Variants in ARID4B observed in about 807,000 individuals in gnomAD.
ARID4B encodes the protein AT-rich interactive domain-containing protein 4B.
Under a neutral mutation model 147.5 loss-of-function variants are expected in ARID4B, and 26 were observed. The observed-to-expected ratio is 0.18, with a 90% CI of 0.13 to 0.24. ARID4B has a LOEUF of 0.24. Among genes scored for constraint, ARID4B ranks in the 10% least tolerant of loss-of-function variants. ARID4B has a pLI of 1.00. For missense variants in ARID4B, 1,179 were observed against 1,511.5 expected (o/e 0.78, Z 3.65); for synonymous variants, 512 against 507.9 (o/e 1.01, Z -0.11).
chr1:235,189,091 T>C (rs900458029), intron 19 of ARID4B, among the ~76,000 whole-genome samples: 1 of 151,990 alleles, frequency 6.6e-6, no homozygotes, highest in Non-Finnish European at 1.5e-5. Flanking sequence ...AAAATTAAAC[T>C]AGTTTAATTT....
intron 2 of ARID4B, among the ~76,000 whole-genome samples, chr1:235,266,108 A>C (rs1314608753): frequency 6.6e-6 from 1 of 152,206 alleles, no homozygotes; most frequent in Non-Finnish European, 1.5e-5. Flanking sequence ...AATCATGTTG[A>C]ATTCCAGCGG....
At chr1:235,327,338 C>G (rs1675368930) in intron 1 of ARID4B, 1 of 153,558 alleles carries the variant, frequency 6.5e-6, no homozygotes, top group Non-Finnish European at 1.5e-5. Context: ...CCACGCGCCG[C>G]GTCCGAGCGA....
At chr1:235,317,314 G>A (rs1674510194) in intron 2 of ARID4B, among the ~76,000 whole-genome samples, 1 of 152,118 alleles carries the variant, frequency 6.6e-6, no homozygotes, top group African/African-American at 2.4e-5. Context: ...TGTACTGTGG[G>A]TTTCATCAAG....
intron 7 of ARID4B, among the ~76,000 whole-genome samples, chr1:235,246,008 G>A (rs1669279589): frequency 6.6e-6 from 1 of 152,092 alleles, no homozygotes; most frequent in Non-Finnish European, 1.5e-5. Context: ...GAAAGTGTGG[G>A]GAGACACAAA....
chr1:235,254,609 A>G (rs934430311), intron 5 of ARID4B, among the ~76,000 whole-genome samples: 11 of 152,014 alleles, frequency 7.2e-5, no homozygotes, highest in Non-Finnish European at 8.8e-5. Flanking sequence ...GACTACATGA[A>G]AATTAAAAGC....
Position 235,296,675 on chromosome 1 carries a change from GT to G in ARID4B, c.6+30238del, listed in dbSNP as rs575998065. On this transcript the variant is annotated intron_variant, in intron 2 of 23. Transcript: ENST00000264183. ...GGGTTTTGCCATGTTGCCCAGGCTA[GT>G]CTCGAACTCCTGGGCTCAAGTGATC... Among the ~76,000 whole-genome samples the G allele has an allele frequency of 6.8e-4, 103 of 150,936 alleles. 1 individual carries two copies. Among genetic ancestry groups the G allele is most frequent in the African/African-American group, 2.4e-3 (98 of 41,024 alleles).
chr1:235,282,589 C>T (rs1228325606), intron 2 of ARID4B, among the ~76,000 whole-genome samples: 1 of 151,768 alleles, frequency 6.6e-6, no homozygotes, highest in African/African-American at 2.4e-5. Context: ...TCTGAAGACC[C>T]TACAAGAATT....
At position 235,317,400 on chromosome 1, in the gene ARID4B, C is replaced by T. The variant is rs568249427; in HGVS notation, c.6+9514G>A. 9.2e-5 allele frequency among the ~76,000 whole-genome samples: 14 copies of T among 152,178 alleles called. No homozygotes were observed. The South Asian group carries it at 2.1e-3, about 23-fold the overall frequency. On this transcript the variant is annotated intron_variant, in intron 2 of 23. Coordinates refer to ENST00000264183, the MANE Select transcript of ARID4B (RefSeq NM_016374.6). ...ACTTTCTGAGTAATATATGAGCAAG[C>T]GTTAATTAAGGAAAGGGGAAACTAT... is the stretch of plus-strand genomic sequence containing the variant.
At chr1:235,170,910 C>CAAAAAA (rs1164420998) in intron 23 of ARID4B, among the ~76,000 whole-genome samples, 8 of 61,440 alleles carry the variant, frequency 1.3e-4, no homozygotes, top group South Asian at 6.9e-4. Flanking sequence ...GACTCCGTCT[C>CAAAAAA]AAAAAAAAAA....
At chr1:235,279,118 C>T (rs1014914458) in intron 2 of ARID4B, among the ~76,000 whole-genome samples, 2 of 152,002 alleles carry the variant, frequency 1.3e-5, no homozygotes, top group African/African-American at 2.4e-5. Flanking sequence ...TCCCAGGCAC[C>T]GCTCCAGACA....
chr1:235,301,038 C>CTTTTTTTT (rs780839339), intron 2 of ARID4B, among the ~76,000 whole-genome samples: 7 of 112,270 alleles, frequency 6.2e-5, no homozygotes, highest in African/African-American at 2.6e-4. Context: ...TTTAAGTATT[C>CTTTTTTTT]TTTTTTTTTT....
chr1:235,309,859 G>C (rs1235248582), intron 2 of ARID4B, among the ~76,000 whole-genome samples: 1 of 152,178 alleles, frequency 6.6e-6, no homozygotes, highest in African/African-American at 2.4e-5. Flanking sequence ...GGATCCTGTT[G>C]ATCTGTGACC....
intron 21 of ARID4B, chr1:235,175,761 T>C (rs1663824742): frequency 5.1e-6 from 1 of 196,574 alleles, no homozygotes; most frequent in Non-Finnish European, 1.0e-5. Context: ...ACAATGAATA[T>C]GTAACATTGG....
At chr1:235,320,905 T>C (rs1336550834) in intron 2 of ARID4B, among the ~76,000 whole-genome samples, 1 of 152,190 alleles carries the variant, frequency 6.6e-6, no homozygotes, top group East Asian at 1.9e-4. Context: ...TATCACCTAA[T>C]CTAAAGTAAC....
intron 2 of ARID4B, among the ~76,000 whole-genome samples, chr1:235,289,406 T>C (rs1402348560): frequency 5.3e-5 from 8 of 152,054 alleles, no homozygotes; most frequent in Admixed American, 5.2e-4. Context: ...ATAAAGAACA[T>C]CTAAAATCAG....
rs745956820 is a variant in ARID4B, at chr1:235,255,770, G to A, written c.184-20C>T. 16 of 1,563,258 alleles carry A rather than the reference G, an allele frequency of 1.0e-5. No individual in the cohort carries two copies. The highest frequency in any genetic ancestry group is 7.4e-5 in the Admixed American group (4 of 53,896). ...TCCTACCTAAAGTATTTTTAAACATGTTAGAAAAACTTTTAAAAGGTAAAT... is the reference window on the plus strand; with the variant it reads ...TCCTACCTAAAGTATTTTTAAACATATTAGAAAAACTTTTAAAAGGTAAAT... On this transcript the variant is annotated intron_variant, in intron 4 of 23. Coordinates refer to ENST00000264183, the MANE Select transcript of ARID4B (RefSeq NM_016374.6).
chr1:235,214,462 T>C (rs1666921862), intron 16 of ARID4B, among the ~76,000 whole-genome samples: 1 of 152,200 alleles, frequency 6.6e-6, no homozygotes, highest in South Asian at 2.1e-4. Context: ...AGATGTTTGT[T>C]TCATTTTTTT....
At chr1:235,242,437 G>C (rs1388617421) in intron 7 of ARID4B, among the ~76,000 whole-genome samples, 1 of 152,070 alleles carries the variant, frequency 6.6e-6, no homozygotes, top group Non-Finnish European at 1.5e-5. Context: ...TGATTTACAA[G>C]AGCTTAAGAG....
At chr1:235,202,668 GC>G (rs752028790) in intron 17 of ARID4B, among the ~76,000 whole-genome samples, 24 of 151,794 alleles carry the variant, frequency 1.6e-4, no homozygotes, top group Non-Finnish European at 3.2e-4. Flanking sequence ...TCCTGCCTCA[GC>G]CCCCTGAGTA....
Sources: gnomAD v4.1 joint callset for allele counts (sites outside exome capture counted in the v4.1 genomes callset) on GRCh38, gnomAD v4.1.1 for gene constraint, MANE v1.5 for transcripts, NCBI Gene and HGNC (gene_info 2026-07-23, HGNC 2026-07-21) for gene names.